Variants in TDRD5 observed in about 807,000 individuals in gnomAD.
The protein encoded by TDRD5 is tudor domain containing 5.
Under a neutral mutation model 120.6 loss-of-function variants are expected in TDRD5, and 41 were observed. The ratio of observed to expected loss-of-function variants is 0.34; its 90% confidence interval spans 0.26 to 0.44. The LOEUF (loss-of-function observed/expected upper bound fraction) is 0.44, where lower values mean the gene tolerates loss of function less well. Ranked by LOEUF, TDRD5 falls within the 20% of genes least tolerant of loss-of-function variation. The pLI is 1.00. For synonymous variants in TDRD5, 430 were observed against 433.7 expected (o/e 0.99, Z 0.11); for missense variants, 1,006 against 1,221.2 (o/e 0.82, Z 2.63).
At chr1:179,669,452 G>T (rs747934991) in intron 17 of TDRD5, 48 bp downstream of exon 17, 2 of 1,601,754 alleles carry the variant, frequency 1.2e-6, no homozygotes, top group Non-Finnish European at 1.7e-6. Flanking sequence ...AAACATGATG[G>T]TTTGCCATGT....
intron 16 of TDRD5, among the ~76,000 whole-genome samples, chr1:179,665,266 G>A (rs1312856277): frequency 2.0e-5 from 3 of 152,028 alleles, no homozygotes; most frequent in Non-Finnish European, 4.4e-5. Context: ...AAATCCAATC[G>A]ATTTTTTTAT....
chr1:179,636,792 G>GA (rs1382876636), intron 9 of TDRD5, among the ~76,000 whole-genome samples: 2 of 152,160 alleles, frequency 1.3e-5, no homozygotes, highest in Admixed American at 1.3e-4. Flanking sequence ...CCTTTTACTC[G>GA]AAAGTTTGAT....
At chr1:179,639,616 C>G (rs576642577) in intron 9 of TDRD5, among the ~76,000 whole-genome samples, 3 of 152,236 alleles carry the variant, frequency 2.0e-5, no homozygotes, top group African/African-American at 7.2e-5. Flanking sequence ...AATGTGAGAT[C>G]AGAAAATGAG....
chr1:179,611,767 T>G (rs1676289521), intron 4 of TDRD5, among the ~76,000 whole-genome samples: 1 of 152,170 alleles, frequency 6.6e-6, no homozygotes, highest in South Asian at 2.1e-4. Flanking sequence ...CAGATACACT[T>G]TCTTCTATCT....
chr1:179,628,511 G>T (rs1677264068), intron 6 of TDRD5, among the ~76,000 whole-genome samples: 1 of 145,896 alleles, frequency 6.9e-6, no homozygotes, highest in African/African-American at 2.6e-5. Context: ...TCATTATATT[G>T]CCCAGGCTGG....
chr1:179,623,377 A>G (rs72706735), intron 6 of TDRD5, among the ~76,000 whole-genome samples: 7,160 of 152,248 alleles, frequency 0.047, 262 homozygotes, highest in Non-Finnish European at 0.069. Context: ...AAATTACAGC[A>G]TTAAATAATT....
chr1:179,672,157 A>G (rs754688872), intron 17 of TDRD5, among the ~76,000 whole-genome samples: 12 of 152,146 alleles, frequency 7.9e-5, no homozygotes, highest in Admixed American at 2.0e-4. Context: ...GCTGGATCAA[A>G]TGGTAGATCT....
rs747132834 is a variant in TDRD5 at position 179,592,713 on chromosome 1, A to C, written c.98A>C (p.Lys33Thr). The C allele has an allele frequency of 2.5e-6, 4 of 1,614,020 alleles. No individual in the cohort carries two copies. The highest frequency in any genetic ancestry group is 2.7e-5 in the African/African-American group (2 of 74,902). Reference protein sequence around the residue: ...KDGLSPQELEKEYLLMVGNHL... With the variant: ...KDGLSPQELETEYLLMVGNHL... ...GGTTTGAGCCCACAGGAGTTGGAGA[A>C]GGAGTACCTTTTGATGGTTGGCAAC... Residue 33 changes from lysine (K) to threonine (T), a missense_variant, in exon 2 of 18, where the codon AAG becomes ACG. Coordinates refer to ENST00000444136, the MANE Select transcript of TDRD5 (RefSeq NM_001199085.3).
intron 15 of TDRD5, 142 bp from the exon 16 acceptor site, chr1:179,663,206 A>G: frequency 1.1e-6 from 1 of 931,100 alleles, no homozygotes; most frequent in Admixed American, 3.3e-5. Flanking sequence ...GCAAGGAGGA[A>G]AGTCAAACTG....
chr1:179,690,743 C>T lies in TDRD5; in HGVS notation c.2908C>T (p.Arg970Cys), dbSNP rs530480530. 9.9e-6 allele frequency: 16 copies of T among 1,614,090 alleles called. No homozygotes were observed. The highest frequency in any genetic ancestry group is 6.7e-5 in the African/African-American group (5 of 75,028). The change falls in exon 18 of 18, where the codon CGT (arginine) becomes TGT (cysteine). Residue 970 changes from arginine (R) to cysteine (C), a missense_variant. By Grantham distance (180) the Arg-to-Cys change is radical. Coordinates refer to ENST00000444136, the MANE Select transcript of TDRD5 (RefSeq NM_001199085.3). Reference protein sequence around the residue: ...ILKNEDFSSSRAITLYKDKRQ... With the variant: ...ILKNEDFSSSCAITLYKDKRQ... ...AAAGAATGAAGATTTTTCTAGCAGC[C>T]GTGCTATTACATTGTACAAAGACAA...
rs145798073 is a variant in TDRD5, at chr1:179,635,849, T to A, written c.1482T>A (p.Asp494Glu). The A allele has an allele frequency of 1.9e-6, 3 of 1,613,792 alleles. No individual in the cohort carries two copies. The East Asian group carries it at 6.7e-5, about 36-fold the overall frequency. Residue 494 changes from aspartate (D) to glutamate (E), a missense_variant, in exon 9 of 18, where the codon GAT (aspartate) becomes GAA (glutamate). Asp to Glu is a conservative substitution (Grantham distance 45). Coordinates refer to ENST00000444136, the MANE Select transcript of TDRD5 (RefSeq NM_001199085.3). ...SQFYIRIYSR[D>E]SSELLEDMMI... ...TCTACATCCGGATCTATAGCAGGGA[T>A]TCGTCAGAGTTACTCGAAGACATGA... is the stretch of plus-strand genomic sequence containing the variant.
chr1:179,653,073 A>G (rs889636878), intron 13 of TDRD5, among the ~76,000 whole-genome samples: 1 of 152,120 alleles, frequency 6.6e-6, no homozygotes, highest in Non-Finnish European at 1.5e-5. Context: ...AGGGATACTC[A>G]ATGTGTAAAA....
At position 179,682,117 on chromosome 1, in the gene TDRD5, C is replaced by G. The variant is rs554080437; in HGVS notation, c.2861-8579C>G. Among the ~76,000 whole-genome samples, 3 of 149,236 alleles carry G rather than the reference C, an allele frequency of 2.0e-5. No individual in the cohort carries two copies. The South Asian group carries it at 6.5e-4, about 32-fold the overall frequency. On this transcript the variant is annotated intron_variant, in intron 17 of 17. Transcript: ENST00000444136. ...CATATATATAACTTTTGAATTCTAT[C>G]TGTGTCATTTCTGAATCTGTTTATA... is the stretch of plus-strand genomic sequence containing the variant.
intron 5 of TDRD5, among the ~76,000 whole-genome samples, chr1:179,619,329 T>G (rs1468768328): frequency 3.9e-5 from 6 of 152,222 alleles, no homozygotes. Flanking sequence ...TTTATGTGAA[T>G]TGCCTGTTTA....
chr1:179,683,667 G>C (rs1282429467), intron 17 of TDRD5, among the ~76,000 whole-genome samples: 1 of 152,158 alleles, frequency 6.6e-6, no homozygotes, highest in African/African-American at 2.4e-5. Flanking sequence ...ATGTTTTTAA[G>C]ATCTAGAACA....
At position 179,618,676 on chromosome 1, in the gene TDRD5, A is replaced by C. The variant is rs1236940533; in HGVS notation, c.909A>C (p.Ile303=). ...GTISSELKHK[I]KFVVSKFPEG... ...TCAGTTCAGAACTAAAACATAAGATAAAATTTGTAAGTAATTTCTGTTTCT... is the reference window on the plus strand; with the variant it reads ...TCAGTTCAGAACTAAAACATAAGATCAAATTTGTAAGTAATTTCTGTTTCT... The change falls in exon 5 of 18, where the codon ATA becomes ATC. Residue 303 remains isoleucine (I), a synonymous_variant. Coordinates refer to ENST00000444136, the MANE Select transcript of TDRD5 (RefSeq NM_001199085.3). The C allele has an allele frequency of 6.4e-7, 1 of 1,574,116 alleles. No homozygotes were observed. The highest frequency in any genetic ancestry group is 1.9e-5 in the Admixed American group (1 of 52,494).
At chr1:179,639,750 G>A in intron 9 of TDRD5, 89 bp from the exon 10 acceptor site, 1 of 1,395,118 alleles carries the variant, frequency 7.2e-7, no homozygotes, top group Non-Finnish European at 9.8e-7. Context: ...TTTGCTTTTT[G>A]CCAAGACTTT....
intron 6 of TDRD5, among the ~76,000 whole-genome samples, chr1:179,628,754 G>A (rs976314640): frequency 4.6e-5 from 7 of 152,100 alleles, no homozygotes; most frequent in Non-Finnish European, 8.8e-5. Context: ...AAACTCAACT[G>A]TGTTTTGTGT....
chr1:179,632,870 T>C (rs1460887069), intron 7 of TDRD5, among the ~76,000 whole-genome samples: 1 of 152,194 alleles, frequency 6.6e-6, no homozygotes, highest in Non-Finnish European at 1.5e-5. Context: ...CATCATACCT[T>C]GGCCTAGCCT....
Sources: gnomAD v4.1 joint callset for allele counts (sites outside exome capture counted in the v4.1 genomes callset) on GRCh38, gnomAD v4.1.1 for gene constraint, MANE v1.5 for transcripts, NCBI Gene and HGNC (gene_info 2026-07-23, HGNC 2026-07-21) for gene names.